The following GK5 variants were observed in gnomAD, a reference collection of about 807,000 sequenced individuals.
GK5 encodes glycerol kinase 5, also known as ATP:glycerol 3-phosphotransferase 5.
Under a neutral mutation model 77.3 loss-of-function variants are expected in GK5, and 39 were observed. The observed-to-expected ratio is 0.50, with a 90% CI of 0.39 to 0.66. The LOEUF is 0.66. Among genes scored for constraint, GK5 ranks in the 30% least tolerant of loss-of-function variants. GK5 has a pLI of 0.00. For synonymous variants in GK5, 211 were observed against 208.0 expected (o/e 1.01, Z -0.13); for missense variants, 487 against 633.8 (o/e 0.77, Z 2.49).
intron 5 of GK5, among the ~76,000 whole-genome samples, chr3:142,191,614 G>T (rs751394977): frequency 2.7e-4 from 41 of 151,952 alleles, no homozygotes; most frequent in Admixed American, 1.4e-3. Flanking sequence ...GAGGCAGGTG[G>T]ATCACTTGAA....
intron 15 of GK5, among the ~76,000 whole-genome samples, chr3:142,167,223 A>G (rs1015531555): frequency 6.6e-6 from 1 of 152,034 alleles, no homozygotes; most frequent in Non-Finnish European, 1.5e-5. Flanking sequence ...AAATATAAAA[A>G]ATTAGCTGGG....
At chr3:142,177,202 G>C (rs963058609) in intron 12 of GK5, among the ~76,000 whole-genome samples, 1 of 152,092 alleles carries the variant, frequency 6.6e-6, no homozygotes, top group Non-Finnish European at 1.5e-5. Context: ...AAAGTTCTAT[G>C]ATAAACCTGC....
chr3:142,191,209 T>C (rs2063844982), intron 5 of GK5, among the ~76,000 whole-genome samples: 1 of 151,996 alleles, frequency 6.6e-6, no homozygotes, highest in South Asian at 2.1e-4. Flanking sequence ...TTTGTATTTT[T>C]AGTAGAGACA....
chr3:142,174,744 A>G (rs564301340), intron 12 of GK5, among the ~76,000 whole-genome samples: 4 of 152,294 alleles, frequency 2.6e-5, no homozygotes, highest in African/African-American at 9.6e-5. Context: ...CATCACCACA[A>G]CTGCAGAGGG....
chr3:142,223,027 C>G (rs182753477), intron 1 of GK5, among the ~76,000 whole-genome samples: 8 of 152,316 alleles, frequency 5.3e-5, no homozygotes, highest in Admixed American at 5.2e-4. Flanking sequence ...CCGGGAAGAG[C>G]AGGCATTTTT....
intron 11 of GK5, among the ~76,000 whole-genome samples, chr3:142,180,288 C>T (rs1311778949): frequency 6.6e-6 from 1 of 151,706 alleles, no homozygotes; most frequent in African/African-American, 2.4e-5. Flanking sequence ...ATCCCTTTTG[C>T]TTTCCCTCTT....
At chr3:142,207,244 T>C (rs561576343) in intron 3 of GK5, among the ~76,000 whole-genome samples, 1 of 152,320 alleles carries the variant, frequency 6.6e-6, no homozygotes, top group Admixed American at 6.5e-5. Context: ...TGCCTATCCA[T>C]ATGGATAAGA....
At chr3:142,189,695 G>A (rs188696340) in intron 5 of GK5, among the ~76,000 whole-genome samples, 10 of 152,264 alleles carry the variant, frequency 6.6e-5, no homozygotes, top group Admixed American at 2.6e-4. Context: ...CCCCCCTCAC[G>A]TTGGCTAAGG....
At chr3:142,206,594 T>C (rs2064111327) in intron 3 of GK5, among the ~76,000 whole-genome samples, 1 of 152,222 alleles carries the variant, frequency 6.6e-6, no homozygotes, top group Non-Finnish European at 1.5e-5. Context: ...AACTGCATTG[T>C]TGCTTTCTTG....
intron 2 of GK5, among the ~76,000 whole-genome samples, chr3:142,215,342 T>C (rs1214212012): frequency 6.6e-6 from 1 of 152,180 alleles, no homozygotes; most frequent in Non-Finnish European, 1.5e-5. Context: ...AGCTATAACC[T>C]GGAATGAGGA....
At chr3:142,216,935 A>C (rs1315738584) in intron 1 of GK5, among the ~76,000 whole-genome samples, 1 of 152,206 alleles carries the variant, frequency 6.6e-6, no homozygotes, top group Non-Finnish European at 1.5e-5. Flanking sequence ...CTGAACCCAA[A>C]TGCAATAAAT....
intron 3 of GK5, among the ~76,000 whole-genome samples, chr3:142,213,134 G>A (rs992809472): frequency 5.9e-5 from 9 of 152,122 alleles, no homozygotes; most frequent in Admixed American, 2.6e-4. Flanking sequence ...GCTCCTGGCC[G>A]CTATAGACAA....
At chr3:142,206,197 T>C (rs4485736) in intron 3 of GK5, among the ~76,000 whole-genome samples, 107,724 of 152,110 alleles carry the variant, frequency 0.71, 38,744 homozygotes, top group African/African-American at 0.82. Context: ...TACTCTTTGG[T>C]TATCGTGATT....
intron 6 of GK5, 115 bp from the exon 7 acceptor site, chr3:142,186,628 TTC>T: frequency 2.1e-5 from 10 of 475,440 alleles, no homozygotes; most frequent in East Asian, 7.2e-5. Flanking sequence ...AATGTGTATT[TTC>T]TTTTTTTTTT....
At chr3:142,219,111 T>C (rs9990374) in intron 1 of GK5, among the ~76,000 whole-genome samples, 9,801 of 152,272 alleles carry the variant, frequency 0.064, 886 homozygotes, top group African/African-American at 0.2. Flanking sequence ...ACATTGTTGA[T>C]GAGAATGCAA....
At chr3:142,212,555 A>G (rs915973623) in intron 3 of GK5, among the ~76,000 whole-genome samples, 6 of 152,068 alleles carry the variant, frequency 3.9e-5, no homozygotes, top group African/African-American at 1.2e-4. Flanking sequence ...GAAAAAGAAA[A>G]AGAAAGAAAC....
At chr3:142,202,316 A>C (rs1333045174) in intron 4 of GK5, among the ~76,000 whole-genome samples, 1 of 152,208 alleles carries the variant, frequency 6.6e-6, no homozygotes. Context: ...GGAAAGCAAC[A>C]GTGGCAAGAG....
At chr3:142,177,305 T>C (rs1206359107) in intron 12 of GK5, among the ~76,000 whole-genome samples, 177 bp downstream of exon 12, 1 of 152,208 alleles carries the variant, frequency 6.6e-6, no homozygotes, top group African/African-American at 2.4e-5. Context: ...GATGCTCTGC[T>C]TCCTCATGGA....
chr3:142,166,476 T>C (rs1237878130), intron 15 of GK5, among the ~76,000 whole-genome samples: 1 of 152,210 alleles, frequency 6.6e-6, no homozygotes, highest in Non-Finnish European at 1.5e-5. Context: ...GATAATTTTG[T>C]AGTTCTAGCA....
Sources: gnomAD v4.1 joint callset for allele counts (sites outside exome capture counted in the v4.1 genomes callset) on GRCh38, gnomAD v4.1.1 for gene constraint, MANE v1.5 for transcripts, NCBI Gene and HGNC (gene_info 2026-07-23, HGNC 2026-07-21) for gene names.